The following FCHO1 variants were observed in gnomAD, a reference collection of about 807,000 sequenced individuals.
FCHO1 encodes F-BAR domain only protein 1.
FCHO1 carries 45 observed loss-of-function variants against 114.4 expected under a neutral mutation model. That is an observed-to-expected ratio of 0.39 (90% confidence interval 0.31 to 0.50). The LOEUF (loss-of-function observed/expected upper bound fraction) is 0.50. FCHO1 is among the 20% of genes least tolerant of loss of function. FCHO1 has a pLI of 0.77. For synonymous variants in FCHO1, 480 were observed against 488.9 expected (o/e 0.98, Z 0.24); for missense variants, 1,042 against 1,209.6 (o/e 0.86, Z 2.06).
chr19:17,781,705 C>G lies in FCHO1; in HGVS notation c.1829-7C>G, dbSNP rs2093427548. The G allele has an allele frequency of 1.3e-6, 2 of 1,589,190 alleles. No individual in the cohort carries two copies. Among genetic ancestry groups the G allele is most frequent in the Non-Finnish European group, 1.7e-6 (2 of 1,164,386 alleles). The stretch of plus-strand genomic sequence containing the variant: ...GTTGTTCCCCATTCCCTCTCCACCA[C>G]CCCCAGGAGTCTCCCGGGGTCCGAG... On this transcript the variant is annotated splice_region_variant and splice_polypyrimidine_tract_variant and intron_variant, in intron 22 of 28. Transcript: ENST00000596536.
rs1444507797 is a variant in FCHO1 at position 17,760,196 on chromosome 19, ATGTG to A, written c.28-2565_28-2562del. ...CCTCCGAATAGCTGGGGTTATAGGC[ATGTG>A]CCACCACGCCTGGCTAATTTTTGTA... On this transcript the variant is annotated intron_variant, in intron 4 of 28. Coordinates refer to ENST00000596536, the MANE Select transcript of FCHO1 (RefSeq NM_015122.3). 3.3e-5 allele frequency among the ~76,000 whole-genome samples: 5 copies of A among 152,110 alleles called. No individual in the cohort carries two copies. In the South Asian group the frequency reaches 6.2e-4, roughly 19 times the overall value.
At chr19:17,783,992 G>A in intron 24 of FCHO1, 111 bp from the exon 25 acceptor site, 1 of 1,344,252 alleles carries the variant, frequency 7.4e-7, no homozygotes, top group East Asian at 2.4e-5. Flanking sequence ...GGGCTTTGCT[G>A]GGCCCAGGGT....
At chr19:17,783,582 T>A (rs973743393) in intron 24 of FCHO1, among the ~76,000 whole-genome samples, 1 of 149,468 alleles carries the variant, frequency 6.7e-6, no homozygotes, top group Non-Finnish European at 1.5e-5. Context: ...TTTTTTTTTT[T>A]AATTATTATT....
At chr19:17,752,919 T>TA (rs764246965) in intron 1 of FCHO1, among the ~76,000 whole-genome samples, 3 of 149,482 alleles carry the variant, frequency 2.0e-5, no homozygotes, top group East Asian at 2.0e-4. Flanking sequence ...AATAAAAAAA[T>TA]AAAAAAAACT....
chr19:17,769,396 G>A (rs2090651489), intron 7 of FCHO1, among the ~76,000 whole-genome samples: 1 of 151,274 alleles, frequency 6.6e-6, no homozygotes, highest in Non-Finnish European at 1.5e-5. Context: ...CTAACACGGT[G>A]AAACCCCGTC....
At chr19:17,780,999 TG>T (rs1325725999) in intron 20 of FCHO1, among the ~76,000 whole-genome samples, 1 of 152,222 alleles carries the variant, frequency 6.6e-6, no homozygotes, top group African/African-American at 2.4e-5. Flanking sequence ...CCCCCAGTGA[TG>T]GGGAGCTCAC....
chr19:17,752,736 C>A (rs968052824), intron 1 of FCHO1, among the ~76,000 whole-genome samples: 2,906 of 110,810 alleles, frequency 0.026, no homozygotes, highest in African/African-American at 0.035. Context: ...CTAGTCTCTA[C>A]AAAAAAAAAA....
In FCHO1 at chr19:17,787,776, G is replaced by C; in HGVS notation, c.2577G>C (p.Leu859=). ...AAQFTSEGTT[L]SGVDLELVGS... ...AGTTCACCAGCGAGGGGACCACTCT[G>C]TCGGGCGTGGACTTGGAACTGGTGG... Residue 859 remains leucine, a synonymous_variant, in exon 28 of 29, where the codon CTG becomes CTC. Coordinates refer to ENST00000596536, the MANE Select transcript of FCHO1 (RefSeq NM_015122.3). The C allele has an allele frequency of 6.2e-7, 1 of 1,612,010 alleles. No individual in the cohort carries two copies. Among genetic ancestry groups the C allele is most frequent in the Non-Finnish European group, 8.5e-7 (1 of 1,179,480 alleles).
chr19:17,749,418 C>T (rs2081380686), upstream of FCHO1, among the ~76,000 whole-genome samples: 1 of 152,000 alleles, frequency 6.6e-6, no homozygotes, highest in South Asian at 2.1e-4. Flanking sequence ...ATATTAATGA[C>T]AGTATTAGTG....
At chr19:17,748,552 G>C (rs1464545568), upstream of FCHO1, among the ~76,000 whole-genome samples, 2 of 150,424 alleles carry the variant, frequency 1.3e-5, no homozygotes, top group Non-Finnish European at 3.0e-5. Flanking sequence ...TGTACAGCTA[G>C]CATCTGTTTC....
intron 11 of FCHO1, among the ~76,000 whole-genome samples, chr19:17,773,919 T>TA (rs2092202467): frequency 8.6e-6 from 1 of 115,724 alleles, no homozygotes; most frequent in East Asian, 2.7e-4. Context: ...TTTTTTTTTT[T>TA]AATTTTTTTG....
chr19:17,778,045 A>C, intron 18 of FCHO1, 92 bp from the exon 19 acceptor site: 1 of 906,840 alleles, frequency 1.1e-6, no homozygotes, highest in South Asian at 1.5e-5. Flanking sequence ...TCTCAAAAAA[A>C]AAAAAGACTG....
At chr19:17,770,643 G>A (rs1187333713) in intron 8 of FCHO1, 66 bp downstream of exon 8, 1 of 1,585,008 alleles carries the variant, frequency 6.3e-7, no homozygotes, top group African/African-American at 1.3e-5. Flanking sequence ...TGATCAGAGA[G>A]TGGAAACACA....
chr19:17,775,136 C>T lies in FCHO1; in HGVS notation c.945+56C>T, dbSNP rs1314958085. The T allele has an allele frequency of 1.9e-6, 3 of 1,563,230 alleles. No individual in the cohort carries two copies. In the East Asian group the frequency reaches 6.8e-5, roughly 35 times the overall value. ...TACAAGTGGAAGGAGTTTGATCCCACTCTTGGCTCCTAGAGTCCCGATCCC... is the reference window on the plus strand; with the variant it reads ...TACAAGTGGAAGGAGTTTGATCCCATTCTTGGCTCCTAGAGTCCCGATCCC... On this transcript the variant is annotated intron_variant, in intron 14 of 28. Transcript: ENST00000596536. This position sits in a 1 kb window ranked among gnomAD's most constrained non-coding sequence, Gnocchi z 5.1.
At chr19:17,785,052 C>G in intron 26 of FCHO1, 128 bp downstream of exon 26, 1 of 886,368 alleles carries the variant, frequency 1.1e-6, no homozygotes. Flanking sequence ...CCCTGCTTAG[C>G]ACTAAGGGTG....
Position 17,778,223 on chromosome 19 carries a change from T to C in FCHO1, c.1346T>C (p.Phe449Ser). ...GAGTCAGCCTTTGACCACGAAGATT[T>C]TACAGGTGATGGGGATAAGGGATTG... is the stretch of plus-strand genomic sequence containing the variant. ...PLESAFDHED[F>S]TGSSSLGFTS... is the part of the protein sequence containing the mutation. Residue 449 changes from phenylalanine to serine, a missense_variant, in exon 19 of 29, where the codon TTT (phenylalanine) becomes TCT (serine). Around this residue, in one of 3 missense-constraint regions of FCHO1, gnomAD observed 455 missense variants for 455.4 expected, o/e 1.00. Transcript: ENST00000596536. The C allele has an allele frequency of 6.2e-7, 1 of 1,613,104 alleles. No homozygotes were observed. The highest frequency in any genetic ancestry group is 1.1e-5 in the South Asian group (1 of 91,048).
intron 5 of FCHO1, 54 bp from the exon 6 acceptor site, chr19:17,764,321 G>A (rs1367481826): frequency 3.8e-6 from 6 of 1,569,700 alleles, no homozygotes; most frequent in African/African-American, 1.4e-5. Context: ...GATTACAGGC[G>A]TGAACCACTG....
intron 27 of FCHO1, 25 bp downstream of exon 27, chr19:17,786,654 CTGGG>C: frequency 1.4e-5 from 5 of 368,152 alleles, no homozygotes; most frequent in Non-Finnish European, 2.8e-5. Context: ...TGTATGAGGG[CTGGG>C]TGGGAGGGAC....
chr19:17,749,737 A>C (rs899449893), upstream of FCHO1, among the ~76,000 whole-genome samples: 2 of 152,146 alleles, frequency 1.3e-5, no homozygotes, highest in African/African-American at 4.8e-5. Context: ...GACGAGAATC[A>C]AGCCAGATTG....
Sources: gnomAD v4.1 joint callset for allele counts (sites outside exome capture counted in the v4.1 genomes callset) on GRCh38, gnomAD v4.1.1 for gene constraint, gnomAD v4.1.1 regional missense constraint, Gnocchi (gnomAD v3.1) non-coding constraint, MANE v1.5 for transcripts, NCBI Gene and HGNC (gene_info 2026-07-23, HGNC 2026-07-21) for gene names.